The following MEGF11 variants were observed in gnomAD, a reference collection of about 807,000 sequenced individuals.
The protein encoded by MEGF11 is multiple epidermal growth factor-like domains protein 11.
In MEGF11, 126 loss-of-function variants were observed where a neutral mutation model predicts 146.6. The ratio of observed to expected loss-of-function variants is 0.86; its 90% CI spans 0.74 to 1.00. MEGF11 has a LOEUF of 1.00. MEGF11 is among the 50% of genes least tolerant of loss of function. MEGF11 has a pLI of 0.00. For missense variants in MEGF11, 1,509 were observed against 1,521.2 expected (o/e 0.99, Z 0.13); for synonymous variants, 532 against 583.4 (o/e 0.91, Z 1.27).
At chr15:66,067,614 G>A (rs1197844907) in intron 5 of MEGF11, among the ~76,000 whole-genome samples, 1 of 152,198 alleles carries the variant, frequency 6.6e-6, no homozygotes, top group South Asian at 2.1e-4. Flanking sequence ...TGAGCCCTGG[G>A]AAGCTCCTTT....
chr15:66,083,795 T>C (rs934873755), intron 5 of MEGF11, among the ~76,000 whole-genome samples: 3 of 152,168 alleles, frequency 2.0e-5, no homozygotes, highest in Non-Finnish European at 1.5e-5. Context: ...CACATGCCTG[T>C]AGTCCCAGCT....
intron 5 of MEGF11, among the ~76,000 whole-genome samples, chr15:66,023,889 G>A (rs913254147): frequency 1.3e-5 from 2 of 152,208 alleles, no homozygotes; most frequent in Non-Finnish European, 2.9e-5. Flanking sequence ...GATGGGGTTG[G>A]GGATGGTGAG....
chr15:66,214,252 C>T (rs1039108925), intron 1 of MEGF11, among the ~76,000 whole-genome samples: 1 of 152,128 alleles, frequency 6.6e-6, no homozygotes, highest in Non-Finnish European at 1.5e-5. Context: ...CCAGGCTGGT[C>T]TCAAACTCCT....
chr15:65,999,004 C>A (rs1160612388), intron 5 of MEGF11, among the ~76,000 whole-genome samples: 2 of 151,984 alleles, frequency 1.3e-5, no homozygotes, highest in African/African-American at 4.8e-5. Context: ...GGGGCCCAGC[C>A]TCTTCCAAAG....
chr15:65,918,231 C>T (rs1202306140), intron 15 of MEGF11, 137 bp from the exon 16 acceptor site: 15 of 1,213,110 alleles, frequency 1.2e-5, no homozygotes, highest in African/African-American at 1.5e-5. Flanking sequence ...AGACCACGCC[C>T]GCCTTGGTAC....
At chr15:66,174,377 A>G (rs757516737) in intron 1 of MEGF11, among the ~76,000 whole-genome samples, 3 of 152,132 alleles carry the variant, frequency 2.0e-5, no homozygotes, top group Admixed American at 6.5e-5. Flanking sequence ...CCCGAGACTT[A>G]ATCAAGAGAA....
chr15:66,180,505 G>A (rs1302246487), intron 1 of MEGF11, among the ~76,000 whole-genome samples: 2 of 152,208 alleles, frequency 1.3e-5, no homozygotes, highest in East Asian at 3.8e-4. Flanking sequence ...ACAGGCGGAA[G>A]GACACAGTCT....
intron 4 of MEGF11, among the ~76,000 whole-genome samples, chr15:66,113,528 T>G (rs895975338): frequency 3.3e-5 from 5 of 152,184 alleles, no homozygotes; most frequent in African/African-American, 1.2e-4. Flanking sequence ...GCTTTCTCCC[T>G]GCTGCCGCCC....
chr15:66,038,750 C>T (rs1472000898), intron 5 of MEGF11, among the ~76,000 whole-genome samples: 1 of 152,146 alleles, frequency 6.6e-6, no homozygotes, highest in Non-Finnish European at 1.5e-5. Flanking sequence ...TGTGTTCTTC[C>T]CACCTTATAA....
intron 4 of MEGF11, among the ~76,000 whole-genome samples, chr15:66,116,344 ACT>A (rs1235234001): frequency 4.1e-5 from 6 of 147,842 alleles, no homozygotes; most frequent in Admixed American, 3.4e-4. Flanking sequence ...TGTATTTCTA[ACT>A]CTTCTCTTCT....
chr15:66,061,170 G>T (rs1222487870), intron 5 of MEGF11, among the ~76,000 whole-genome samples: 2 of 152,222 alleles, frequency 1.3e-5, no homozygotes, highest in African/African-American at 2.4e-5. Flanking sequence ...CTCAAAACCT[G>T]GGGACCTTTT....
chr15:66,239,813 C>T (rs2092172681), intron 1 of MEGF11, among the ~76,000 whole-genome samples: 1 of 152,234 alleles, frequency 6.6e-6, no homozygotes, highest in Admixed American at 6.5e-5. Context: ...AGAGGCTTCC[C>T]AACAGGGTCA....
At chr15:66,127,722 C>T (rs1334187776) in intron 2 of MEGF11, among the ~76,000 whole-genome samples, 2 of 152,178 alleles carry the variant, frequency 1.3e-5, no homozygotes, top group African/African-American at 2.4e-5. Context: ...TCTGCAGGGA[C>T]CCGGCCCATT....
chr15:66,202,718 C>T (rs1034515028), intron 1 of MEGF11, among the ~76,000 whole-genome samples: 4 of 152,208 alleles, frequency 2.6e-5, no homozygotes, highest in African/African-American at 9.6e-5. Flanking sequence ...GGATTTCCTT[C>T]AGGACTGGTC....
chr15:66,002,281 C>G (rs894764113), intron 5 of MEGF11, among the ~76,000 whole-genome samples: 1 of 152,084 alleles, frequency 6.6e-6, no homozygotes, highest in African/African-American at 2.4e-5. Flanking sequence ...CACTCAGGCT[C>G]GAGAGAGAGA....
chr15:66,205,956 T>A (rs1241959123), intron 1 of MEGF11, among the ~76,000 whole-genome samples: 2 of 152,122 alleles, frequency 1.3e-5, no homozygotes, highest in African/African-American at 4.8e-5. Context: ...GAACAATCAA[T>A]AAATGTCAAC....
chr15:66,241,738 C>T (rs1298551344), intron 1 of MEGF11, among the ~76,000 whole-genome samples: 1 of 152,154 alleles, frequency 6.6e-6, no homozygotes, highest in East Asian at 1.9e-4. Context: ...ACACATAGAG[C>T]AGTCATGCCA....
intron 1 of MEGF11, among the ~76,000 whole-genome samples, chr15:66,231,252 T>A (rs2091961745): frequency 6.6e-6 from 1 of 151,684 alleles, no homozygotes; most frequent in Non-Finnish European, 1.5e-5. Flanking sequence ...AAGGCAGGAC[T>A]TTCCAGAAAC....
rs77569144 is a variant in MEGF11, at chr15:65,924,138, G to C, written c.1676-1169C>G. Among the ~76,000 whole-genome samples, 915 of 152,230 alleles carry C rather than the reference G, an allele frequency of 6.0e-3. 10 individuals carry two copies. Among genetic ancestry groups the C allele is most frequent in the South Asian group, 0.042 (204 of 4,814 alleles). On this transcript the variant is annotated intron_variant, in intron 13 of 25. Transcript: ENST00000395614. ...GCAGGAGAGCAGTGGGACCAATTTA[G>C]AGGCAGACTGGAATTGTACAAGCCC...
Sources: gnomAD v4.1 joint callset for allele counts (sites outside exome capture counted in the v4.1 genomes callset) on GRCh38, gnomAD v4.1.1 for gene constraint, MANE v1.5 for transcripts, NCBI Gene and HGNC (gene_info 2026-07-23, HGNC 2026-07-21) for gene names.